Variants in ZDHHC11 observed in about 807,000 individuals in gnomAD.
ZDHHC11 encodes the protein palmitoyltransferase ZDHHC11.
ZDHHC11 carries 44 observed loss-of-function variants against 51.3 expected under a neutral mutation model. That is an observed-to-expected ratio of 0.86 (90% confidence interval 0.67 to 1.10). The LOEUF is 1.10. Among genes scored for constraint, ZDHHC11 ranks in the 50% least tolerant of loss-of-function variants. The probability of loss-of-function intolerance (pLI) is 0.00; values close to 1 mark genes in which losing one functional copy is unlikely to be tolerated. For synonymous variants in ZDHHC11, 163 were observed against 222.0 expected (o/e 0.73, Z 2.36); for missense variants, 400 against 537.7 (o/e 0.74, Z 2.53).
chr5:854,067 C>A (rs1747741853), upstream of ZDHHC11, among the ~76,000 whole-genome samples: 3 of 149,864 alleles, frequency 2.0e-5, no homozygotes, highest in African/African-American at 7.4e-5. Context: ...CGGGACAGAC[C>A]CCACCGAGGA....
intron 11 of ZDHHC11, among the ~76,000 whole-genome samples, chr5:810,461 C>T (rs1739941133): frequency 6.6e-6 from 1 of 151,352 alleles, no homozygotes; most frequent in South Asian, 2.1e-4. Flanking sequence ...ACTATAAATT[C>T]CTACACATTT....
At position 841,019 on chromosome 5, in the gene ZDHHC11, C is replaced by A. The variant is rs867704462; in HGVS notation, c.629-369G>T. On this transcript the variant is annotated intron_variant, in intron 4 of 12. Coordinates refer to ENST00000283441, the MANE Select transcript of ZDHHC11 (RefSeq NM_024786.3). ...GTGCCGGGGTCACAGCGCCCACCCC[C>A]CTTCCTCACTAAGTGCCGGGGTCAC... is the stretch of plus-strand genomic sequence containing the variant. 5.0e-6 allele frequency: 6 copies of A among 1,191,384 alleles called. No homozygotes were observed. In the African/African-American group the frequency reaches 1.3e-4, roughly 27 times the overall value. The allele number at this position is 1,191,384 out of a possible 1,614,324, so 73.8% of individuals were successfully genotyped here. A position where few individuals can be genotyped will look rare whatever the true frequency, so the allele number is the denominator to read the frequency against.
At chr5:838,112 A>C (rs1337177517) in intron 5 of ZDHHC11, among the ~76,000 whole-genome samples, 1 of 151,846 alleles carries the variant, frequency 6.6e-6, no homozygotes, top group African/African-American at 2.4e-5. Context: ...CACTCAGCAC[A>C]GCCTCTGATG....
intron 1 of ZDHHC11, among the ~76,000 whole-genome samples, chr5:857,582 G>A (rs1280269854): frequency 7.0e-6 from 1 of 143,118 alleles, no homozygotes; most frequent in Admixed American, 7.0e-5. Context: ...GTGGTCCCCC[G>A]AGTCTGTCCT....
intron 11 of ZDHHC11, among the ~76,000 whole-genome samples, chr5:801,433 T>A (rs1738405361): frequency 6.6e-6 from 1 of 151,924 alleles, no homozygotes; most frequent in African/African-American, 2.4e-5. Context: ...AAGAGGGTCT[T>A]GTGGTAGCCA....
chr5:847,509 C>A lies in ZDHHC11; in HGVS notation c.503+5G>T. 9.3e-7 allele frequency: 1 copy of A among 1,077,308 alleles called. No individual in the cohort carries two copies. Among genetic ancestry groups the A allele is most frequent in the East Asian group, 2.5e-5 (1 of 40,092 alleles). 66.7% of individuals were successfully genotyped at this position (1,077,308 alleles called of 1,614,324 possible). ...CGTGCCGGCCATCCCCTCTGTGCCC[C>A]TCACCAATAATTCCGGCTTCCCACG... On this transcript the variant is annotated splice_donor_5th_base_variant and intron_variant, in intron 3 of 12. Coordinates refer to ENST00000283441, the MANE Select transcript of ZDHHC11 (RefSeq NM_024786.3).
At chr5:823,713 G>A (rs1032005380) in intron 8 of ZDHHC11, 8 of 200,178 alleles carry the variant, frequency 4.0e-5, no homozygotes, top group South Asian at 3.6e-4. Flanking sequence ...ACATGATGCT[G>A]AGCGGATCTT....
chr5:834,260 A>G (rs1344260444), intron 6 of ZDHHC11, among the ~76,000 whole-genome samples: 2 of 152,292 alleles, frequency 1.3e-5, no homozygotes, highest in African/African-American at 4.8e-5. Context: ...ATTTTTTTCC[A>G]TGTGCTTATG....
In ZDHHC11 at chr5:850,552, G is replaced by C; in HGVS notation, c.51C>G (p.Leu17=). ...GCGGCAAGACCAGCTTTTCATTATT[G>C]AGTATGGCTTCTGGGGTGACGGAAC... ...SQCSVTPEAI[L]NNEKLVLPPR... Residue 17 remains leucine (L), a synonymous_variant, in exon 1 of 13, where the codon CTC becomes CTG. Transcript: ENST00000283441. 6.2e-7 allele frequency: 1 copy of C among 1,613,768 alleles called. No homozygotes were observed. The highest frequency in any genetic ancestry group is 8.5e-7 in the Non-Finnish European group (1 of 1,180,036).
At chr5:798,400 C>T (rs1406026555) in intron 12 of ZDHHC11, among the ~76,000 whole-genome samples, 2 of 151,616 alleles carry the variant, frequency 1.3e-5, no homozygotes, top group African/African-American at 2.4e-5. Context: ...CACATGGACA[C>T]GGACACGCGC....
At chr5:807,243 C>T (rs384929) in intron 11 of ZDHHC11, among the ~76,000 whole-genome samples, 1 of 87,968 alleles carries the variant, frequency 1.1e-5, no homozygotes, top group Non-Finnish European at 2.7e-5. Flanking sequence ...ACACACAATG[C>T]CCTTTCTGTT....
intron 3 of ZDHHC11, among the ~76,000 whole-genome samples, chr5:843,953 A>T: frequency 1.4e-5 from 1 of 70,378 alleles, no homozygotes; most frequent in African/African-American, 1.9e-4. Context: ...CATGCAGGGC[A>T]GGTGGGGGGT....
intron 11 of ZDHHC11, among the ~76,000 whole-genome samples, chr5:809,014 C>CACACACACACACACACAT (rs1554050773): frequency 0.016 from 2,171 of 138,638 alleles, 64 homozygotes; most frequent in Admixed American, 0.05. Context: ...CACACACACA[C>CACACACACACACACACAT]GCACACTATT....
intron 11 of ZDHHC11, among the ~76,000 whole-genome samples, chr5:812,456 G>T (rs546515836): frequency 6.8e-6 from 1 of 146,874 alleles, no homozygotes; most frequent in Non-Finnish European, 1.5e-5. Flanking sequence ...ACTGTGAAAC[G>T]GTAAAAAAGA....
At position 796,313 on chromosome 5, in the gene ZDHHC11, C is replaced by T. The variant is rs369911545; in HGVS notation, c.*275G>A. The T allele has an allele frequency of 7.9e-3, 1,210 of 153,444 alleles. 7 individuals are homozygous for T. Among genetic ancestry groups the T allele is most frequent in the African/African-American group, 0.027 (1,112 of 40,770 alleles). 9.5% of individuals were successfully genotyped at this position (153,444 alleles called of 1,614,324 possible). On this transcript the variant is annotated 3_prime_UTR_variant, in exon 13 of 13. Transcript: ENST00000283441. ...TGGCTGCATCCTCTGCAGTTGCTGGCAGCCCATCTTCCTGGAGATGTAAAC... is the reference window on the plus strand; with the variant it reads ...TGGCTGCATCCTCTGCAGTTGCTGGTAGCCCATCTTCCTGGAGATGTAAAC...
intron 4 of ZDHHC11, chr5:841,854 G>GGGTGACTCAGCATGGATGTCTTTC (rs1406746959): frequency 1.0e-6 from 1 of 991,130 alleles, no homozygotes; most frequent in African/African-American, 1.7e-5. Flanking sequence ...GGATGTCTTT[G>GGGTGACTCAGCATGGATGTCTTTC]GGTGACTCAG....
rs1175372668 is a variant in ZDHHC11 at position 796,208 on chromosome 5, C to T, written c.*380G>A. ...CAGTACTGTGCTCACAGGTGTGAGCCAACATGCCCGGCCCATCAGCTCTTA... is the reference window on the plus strand; with the variant it reads ...CAGTACTGTGCTCACAGGTGTGAGCTAACATGCCCGGCCCATCAGCTCTTA... On this transcript the variant is annotated 3_prime_UTR_variant, in exon 13 of 13. Coordinates refer to ENST00000283441, the MANE Select transcript of ZDHHC11 (RefSeq NM_024786.3). 2 of 155,308 alleles carry T rather than the reference C, an allele frequency of 1.3e-5. No homozygotes were observed. Among genetic ancestry groups the T allele is most frequent in the East Asian group, 3.7e-4 (2 of 5,380 alleles). 9.6% of individuals were successfully genotyped at this position (155,308 alleles called of 1,614,324 possible). A position where few individuals can be genotyped will look rare whatever the true frequency, so the allele number is the denominator to read the frequency against.
chr5:844,000 G>A (rs1745647887), intron 3 of ZDHHC11, among the ~76,000 whole-genome samples: 5 of 137,900 alleles, frequency 3.6e-5, no homozygotes, highest in African/African-American at 9.3e-5. Flanking sequence ...GGCATCTGGG[G>A]CAGGGGCGGG....
intron 10 of ZDHHC11, 57 bp downstream of exon 10, chr5:819,468 C>A: frequency 6.4e-7 from 1 of 1,569,216 alleles, no homozygotes; most frequent in Non-Finnish European, 8.8e-7. Flanking sequence ...GGACCTCAGA[C>A]CACACATTCT....
Sources: gnomAD v4.1 joint callset for allele counts (sites outside exome capture counted in the v4.1 genomes callset) on GRCh38, gnomAD v4.1.1 for gene constraint, MANE v1.5 for transcripts, NCBI Gene and HGNC (gene_info 2026-07-23, HGNC 2026-07-21) for gene names.